Variants in DAG1 observed in about 807,000 individuals in gnomAD.
DAG1 encodes the protein dystroglycan 1 (dystrophin-associated glycoprotein 1).
DAG1 carries 8 observed loss-of-function variants against 46.1 expected under a neutral mutation model. The observed-to-expected ratio is 0.17, with a 90% CI of 0.10 to 0.31. DAG1 has a LOEUF of 0.31. DAG1 is among the 10% of genes least tolerant of loss of function. DAG1 has a pLI of 1.00. For synonymous variants in DAG1, 495 were observed against 481.8 expected (o/e 1.03, Z -0.36); for missense variants, 1,003 against 1,189.9 (o/e 0.84, Z 2.31).
chr3:49,507,359 T>A (rs2050631475), intron 1 of DAG1, among the ~76,000 whole-genome samples: 1 of 152,092 alleles, frequency 6.6e-6, no homozygotes, highest in Admixed American at 6.6e-5. Context: ...GGTCAGGAGT[T>A]CAAGACCAGC....
At position 49,512,447 on chromosome 3, in the gene DAG1, A is replaced by AAG. The variant is rs1291847466; in HGVS notation, c.285+1629_285+1630insGA. On this transcript the variant is annotated intron_variant, in intron 2 of 2. Transcript: ENST00000308775. ...CTCTCTGTCACCCAAGCTGGAATGC[A>AAG]ATGACACAATCTCAGCTCACTGCAA... 1.1e-4 allele frequency among the ~76,000 whole-genome samples: 16 copies of AAG among 151,820 alleles called. No homozygotes were observed. In the South Asian group the frequency reaches 1.2e-3, roughly 12 times the overall value.
Position 49,530,945 on chromosome 3 carries a change from TC to T in DAG1, c.439del (p.Gln147ArgfsTer21). On this transcript the variant is annotated frameshift_variant, in exon 3 of 3. Transcript: ENST00000308775. LOFTEE classifies it high-confidence loss of function. The stretch of plus-strand genomic sequence containing the variant: ...CGGCTGGGGGCCAACGGGAGCCACA[TC>T]CCCCAGACCTCCAGTGTGTTCTCCA... ...ATRLGANGSH[I>X]PQTSSVFSIE... 6.2e-7 allele frequency: 1 copy of T among 1,614,000 alleles called. No homozygotes were observed. The highest frequency in any genetic ancestry group is 1.3e-5 in the African/African-American group (1 of 74,992).
intron 1 of DAG1, among the ~76,000 whole-genome samples, chr3:49,482,914 A>G (rs898850916): frequency 3.3e-5 from 5 of 152,162 alleles, no homozygotes; most frequent in African/African-American, 1.2e-4. Context: ...AAGGCTGTCT[A>G]GGGCAGAAGT....
chr3:49,531,485 G>C lies in DAG1; in HGVS notation c.974G>C (p.Gly325Ala). The change falls in exon 3 of 3, where the codon GGG becomes GCG. Residue 325 changes from glycine (G) to alanine (A), a missense_variant. Physicochemically the swap from Gly to Ala is moderately conservative, Grantham distance 60. Transcript: ENST00000308775. The surrounding 1 kb of genome is among the most constrained non-coding windows in gnomAD (Gnocchi z 7.0). ...HATPTPVTAI[G>A]PPTTAIQEPP... ...ACACCCACACCTGTCACTGCCATTG[G>C]GCCCCCAACCACGGCTATCCAGGAG... 1 of 1,613,628 alleles carries C rather than the reference G, an allele frequency of 6.2e-7. No homozygotes were observed. Among genetic ancestry groups the C allele is most frequent in the Non-Finnish European group, 8.5e-7 (1 of 1,179,780 alleles).
At chr3:49,473,883 C>CT (rs371637990) in intron 1 of DAG1, among the ~76,000 whole-genome samples, 34,667 of 142,642 alleles carry the variant, frequency 0.24, 4,353 homozygotes, top group Middle Eastern at 0.3. Flanking sequence ...TGCGCCTGGC[C>CT]TTTTTTTTTT....
chr3:49,527,693 A>T (rs1212701090), intron 2 of DAG1, among the ~76,000 whole-genome samples: 3 of 151,972 alleles, frequency 2.0e-5, no homozygotes, highest in African/African-American at 7.3e-5. Context: ...ATAGAGTGAG[A>T]CGCTGTCTAA....
intron 1 of DAG1, among the ~76,000 whole-genome samples, chr3:49,499,977 CTTTTT>C (rs1189123113): frequency 7.1e-6 from 1 of 141,092 alleles, no homozygotes. Flanking sequence ...ACTTCTTCTT[CTTTTT>C]TTTTTTTTTT....
At chr3:49,490,503 C>G (rs760436021) in intron 1 of DAG1, among the ~76,000 whole-genome samples, 2 of 151,622 alleles carry the variant, frequency 1.3e-5, no homozygotes, top group Non-Finnish European at 2.9e-5. Context: ...CTATCTATAC[C>G]TTTTTTTCTG....
chr3:49,510,827 T>G lies in DAG1; in HGVS notation c.285+8T>G. 1 of 1,614,064 alleles carries G rather than the reference T, an allele frequency of 6.2e-7. No homozygotes were observed. The highest frequency in any genetic ancestry group is 1.1e-5 in the South Asian group (1 of 91,032). On this transcript the variant is annotated splice_region_variant and intron_variant, in intron 2 of 2. Coordinates refer to ENST00000308775, the MANE Select transcript of DAG1 (RefSeq NM_004393.6). The stretch of plus-strand genomic sequence containing the variant: ...AGTGGAGATATCATCAAGGTGAGAC[T>G]GGATATAAAGCATAAATGAGGAAGA...
chr3:49,488,024 A>G (rs903743093), intron 1 of DAG1, among the ~76,000 whole-genome samples: 7 of 151,982 alleles, frequency 4.6e-5, no homozygotes, highest in Non-Finnish European at 1.0e-4. Flanking sequence ...TCTTGATAGC[A>G]ATTTTCCTGA....
intron 2 of DAG1, among the ~76,000 whole-genome samples, chr3:49,523,462 T>G (rs1227789219): frequency 6.6e-6 from 1 of 152,140 alleles, no homozygotes; most frequent in Non-Finnish European, 1.5e-5. Context: ...CCCATGCCCC[T>G]TAGTGTTTTC....
chr3:49,472,169 C>T (rs2049539029), intron 1 of DAG1, among the ~76,000 whole-genome samples: 1 of 151,958 alleles, frequency 6.6e-6, no homozygotes, highest in South Asian at 2.1e-4. Context: ...AAAGATATTG[C>T]TGGTGGAGTG....
intron 1 of DAG1, among the ~76,000 whole-genome samples, chr3:49,485,619 C>T (rs914673677): frequency 2.7e-5 from 4 of 150,688 alleles, no homozygotes; most frequent in Non-Finnish European, 5.9e-5. Context: ...GTTGCTTAGA[C>T]CTAATGTGGT....
intron 1 of DAG1, among the ~76,000 whole-genome samples, chr3:49,490,570 CTTTTA>C (rs1232099281): frequency 3.3e-5 from 5 of 149,862 alleles, no homozygotes; most frequent in Admixed American, 2.7e-4. Context: ...TTTTTTTATT[CTTTTA>C]TTTTTTTTTT....
chr3:49,535,068 G>C lies in DAG1; in HGVS notation c.*1869G>C, dbSNP rs2051474079. 6.6e-6 allele frequency: 1 copy of C among 152,238 alleles called. No homozygotes were observed. Among genetic ancestry groups the C allele is most frequent in the Admixed American group, 6.5e-5 (1 of 15,278 alleles). The allele number at this position is 152,238 out of a possible 1,614,324, so 9.4% of individuals were successfully genotyped here. The stretch of plus-strand genomic sequence containing the variant: ...CCTCTCCCCTGCCCCAGTCCCCAGG[G>C]GGTACTCTGGAGTGAGCAGTGCCCC... On this transcript the variant is annotated 3_prime_UTR_variant, in exon 3 of 3. Coordinates refer to ENST00000308775, the MANE Select transcript of DAG1 (RefSeq NM_004393.6).
intron 1 of DAG1, among the ~76,000 whole-genome samples, chr3:49,490,208 T>C (rs538400886): frequency 1.1e-4 from 16 of 151,946 alleles, no homozygotes; most frequent in Non-Finnish European, 2.1e-4. Context: ...AAAAAATTAC[T>C]GAGGTGTGGT....
At chr3:49,515,706 T>A (rs2050880711) in intron 2 of DAG1, among the ~76,000 whole-genome samples, 1 of 152,106 alleles carries the variant, frequency 6.6e-6, no homozygotes, top group Admixed American at 6.6e-5. Context: ...CTTGAGTGTG[T>A]GAGGAACATT....
intron 1 of DAG1, chr3:49,487,259 C>G (rs934008728): frequency 6.6e-6 from 1 of 152,212 alleles, no homozygotes; most frequent in African/African-American, 2.4e-5. Context: ...CCTAGGCACA[C>G]GACTGTCTAT....
At chr3:49,483,866 T>A (rs1250598632) in intron 1 of DAG1, among the ~76,000 whole-genome samples, 1 of 151,630 alleles carries the variant, frequency 6.6e-6, no homozygotes, top group Non-Finnish European at 1.5e-5. Flanking sequence ...TGTAGCGATG[T>A]GGTCTTGGCT....
Sources: gnomAD v4.1 joint callset for allele counts (sites outside exome capture counted in the v4.1 genomes callset) on GRCh38, gnomAD v4.1.1 for gene constraint, Gnocchi (gnomAD v3.1) non-coding constraint, MANE v1.5 for transcripts, NCBI Gene and HGNC (gene_info 2026-07-23, HGNC 2026-07-21) for gene names.